MTA3: variants seen among roughly 807,000 people sequenced by gnomAD.
MTA3 encodes metastasis-associated protein MTA3.
MTA3 carries 34 observed loss-of-function variants against 83.5 expected under a neutral mutation model. The observed-to-expected ratio is 0.41, with a 90% CI of 0.31 to 0.54. MTA3 has a LOEUF of 0.54. Ranked by LOEUF, MTA3 falls within the 20% of genes least tolerant of loss-of-function variation. The probability of loss-of-function intolerance (pLI) is 0.33; values close to 1 mark genes in which losing one functional copy is unlikely to be tolerated. For missense variants in MTA3, 761 were observed against 726.4 expected (o/e 1.05, Z -0.55); for synonymous variants, 303 against 252.7 (o/e 1.20, Z -1.89).
At chr2:42,607,915 C>T (rs1196711135) in intron 3 of MTA3, among the ~76,000 whole-genome samples, 3 of 152,182 alleles carry the variant, frequency 2.0e-5, no homozygotes, top group African/African-American at 7.2e-5. Flanking sequence ...TGTGCTACTG[C>T]ACTCTAGCCT....
chr2:42,518,697 C>T (rs923720441), intron 2 of MTA3, among the ~76,000 whole-genome samples: 1 of 151,988 alleles, frequency 6.6e-6, no homozygotes, highest in Non-Finnish European at 1.5e-5. Context: ...ATAGTATAGG[C>T]CAGGTGTGGT....
intron 3 of MTA3, among the ~76,000 whole-genome samples, chr2:42,602,997 T>G (rs1682769652): frequency 1.3e-5 from 2 of 152,166 alleles, no homozygotes; most frequent in South Asian, 4.1e-4. Flanking sequence ...TCACCAAATC[T>G]GAAGGTATAT....
intron 12 of MTA3, among the ~76,000 whole-genome samples, chr2:42,705,950 T>A (rs191565922): frequency 2.6e-5 from 4 of 152,210 alleles, no homozygotes; most frequent in East Asian, 1.9e-4. Context: ...TACTTTCCAA[T>A]TGAATTTGAG....
intron 3 of MTA3, among the ~76,000 whole-genome samples, chr2:42,607,295 T>G (rs535109818): frequency 2.6e-5 from 4 of 152,294 alleles, no homozygotes; most frequent in African/African-American, 9.6e-5. Context: ...ATGTGGGTGC[T>G]GCTTTGTAGC....
chr2:42,521,302 G>C (rs1488596111), intron 2 of MTA3, among the ~76,000 whole-genome samples: 1 of 152,140 alleles, frequency 6.6e-6, no homozygotes, highest in East Asian at 1.9e-4. Flanking sequence ...GAGTGGACCT[G>C]AGGCCTGCCA....
chr2:42,577,105 A>AAAAAAAAAATATATATATATATAT (rs1211189566), intron 2 of MTA3, among the ~76,000 whole-genome samples: 1 of 86,918 alleles, frequency 1.2e-5, no homozygotes, highest in African/African-American at 5.4e-5. Context: ...AAAAAAAAAA[A>AAAAAAAAAATATATATATATATAT]ATATATATAT....
chr2:42,533,006 G>T, intron 2 of MTA3: 2 of 183,924 alleles, frequency 1.1e-5, no homozygotes, highest in South Asian at 2.2e-4. Context: ...GCCCTTGTTT[G>T]TTTACAGCAA....
intron 14 of MTA3, 118 bp from the exon 15 acceptor site, chr2:42,718,870 G>A (rs1352800190): frequency 5.9e-6 from 4 of 683,028 alleles, no homozygotes; most frequent in African/African-American, 1.8e-5. Context: ...GAAATTATGC[G>A]GGAATCTGGT....
chr2:42,632,018 A>G (rs1686724996), intron 4 of MTA3, among the ~76,000 whole-genome samples: 1 of 151,176 alleles, frequency 6.6e-6, no homozygotes. Flanking sequence ...ATGTACAATT[A>G]AGTTATTATT....
chr2:42,706,201 C>G (rs1046076489), intron 12 of MTA3, among the ~76,000 whole-genome samples: 2 of 151,944 alleles, frequency 1.3e-5, no homozygotes, highest in Admixed American at 1.3e-4. Context: ...GGTGCAGCAC[C>G]CCAGCATGGC....
intron 3 of MTA3, among the ~76,000 whole-genome samples, chr2:42,590,717 T>G (rs1443066130): frequency 1.3e-5 from 2 of 150,892 alleles, no homozygotes; most frequent in Non-Finnish European, 1.5e-5. Flanking sequence ...GCCTCCTGAG[T>G]TGAAGCACTT....
intron 2 of MTA3, among the ~76,000 whole-genome samples, chr2:42,559,939 C>A (rs1389505425): frequency 6.6e-6 from 1 of 152,002 alleles, no homozygotes; most frequent in Non-Finnish European, 1.5e-5. Context: ...AGCTACCATT[C>A]TACTCCAAGT....
intron 16 of MTA3, among the ~76,000 whole-genome samples, chr2:42,750,375 G>C (rs1669781535): frequency 1.3e-5 from 2 of 149,572 alleles, no homozygotes; most frequent in Non-Finnish European, 3.0e-5. Flanking sequence ...GTGTTATTTG[G>C]TCTCTAACAC....
chr2:42,562,515 TC>T (rs1485502634), intron 2 of MTA3, among the ~76,000 whole-genome samples: 1 of 152,174 alleles, frequency 6.6e-6, no homozygotes, highest in African/African-American at 2.4e-5. Flanking sequence ...TTCTAGCTAG[TC>T]CTAGTGAGAT....
chr2:42,742,297 C>T (rs1010272663), intron 16 of MTA3, among the ~76,000 whole-genome samples: 4 of 152,104 alleles, frequency 2.6e-5, no homozygotes, highest in Admixed American at 6.6e-5. Flanking sequence ...CGTCACCACA[C>T]CCAGCTAATT....
At chr2:42,559,974 A>C (rs958950296) in intron 2 of MTA3, among the ~76,000 whole-genome samples, 1 of 151,722 alleles carries the variant, frequency 6.6e-6, no homozygotes, top group Non-Finnish European at 1.5e-5. Context: ...TCTTCCTTGA[A>C]ATATGTCAAT....
At chr2:42,643,519 G>A (rs766116668) in intron 5 of MTA3, among the ~76,000 whole-genome samples, 15 of 152,132 alleles carry the variant, frequency 9.9e-5, no homozygotes, top group Non-Finnish European at 1.8e-4. Context: ...AGCTATGTTT[G>A]TATATCTGTC....
intron 2 of MTA3, among the ~76,000 whole-genome samples, chr2:42,549,313 A>ATATTATATAT (rs1676967791): frequency 8.9e-6 from 1 of 112,992 alleles, no homozygotes; most frequent in Non-Finnish European, 1.7e-5. Context: ...CGTATATAAT[A>ATATTATATAT]TATAATATAT....
rs551502913 is a variant in MTA3, at chr2:42,629,574, G to T, written c.318-10599G>T. ...TTGTAAGGTCCTTGAACAAGGAGGT[G>T]GGAGGAAACCTCTAATCTATCTCCT... On this transcript the variant is annotated intron_variant, in intron 4 of 16. Transcript: ENST00000405094. Among the ~76,000 whole-genome samples, 10 of 152,232 alleles carry T rather than the reference G, an allele frequency of 6.6e-5. No individual in the cohort carries two copies. In the South Asian group the frequency reaches 1.7e-3, roughly 25 times the overall value.
Sources: gnomAD v4.1 joint callset for allele counts (sites outside exome capture counted in the v4.1 genomes callset) on GRCh38, gnomAD v4.1.1 for gene constraint, MANE v1.5 for transcripts, NCBI Gene and HGNC (gene_info 2026-07-23, HGNC 2026-07-21) for gene names.